Variants in FZD3 observed in about 807,000 individuals in gnomAD.
FZD3 encodes frizzled-3.
FZD3 carries 30 observed loss-of-function variants against 60.7 expected under a neutral mutation model. The ratio of observed to expected loss-of-function variants is 0.49; its 90% CI spans 0.37 to 0.67. The LOEUF (loss-of-function observed/expected upper bound fraction) is 0.67, where lower values mean the gene tolerates loss of function less well. Among genes scored for constraint, FZD3 ranks in the 30% least tolerant of loss-of-function variants. The pLI is 0.00. For missense variants in FZD3, 605 were observed against 838.7 expected, an observed-to-expected ratio of 0.72 and a Z score of 3.44; for synonymous variants, 246 against 275.2, an observed-to-expected ratio of 0.89 and a Z score of 1.05.
At chr8:28,557,794 C>G (rs11782016) in intron 7 of FZD3, among the ~76,000 whole-genome samples, 80,774 of 151,962 alleles carry the variant, frequency 0.53, 22,003 homozygotes, top group South Asian at 0.63. Flanking sequence ...CCACTTAGCA[C>G]TCCTATATGA....
intron 5 of FZD3, among the ~76,000 whole-genome samples, chr8:28,539,301 T>C (rs1221342254): frequency 1.3e-5 from 2 of 152,220 alleles, no homozygotes; most frequent in Non-Finnish European, 2.9e-5. Context: ...CTAGGTTGCA[T>C]GCACCATTTA....
chr8:28,528,786 T>C (rs536277744), intron 5 of FZD3, among the ~76,000 whole-genome samples: 67 of 152,316 alleles, frequency 4.4e-4, no homozygotes, highest in Non-Finnish European at 7.1e-4. Context: ...TGACTTGTTC[T>C]TGAGTAGTAA....
intron 1 of FZD3, among the ~76,000 whole-genome samples, chr8:28,496,456 T>C (rs543572780): frequency 5.9e-5 from 9 of 152,298 alleles, no homozygotes; most frequent in African/African-American, 1.9e-4. Context: ...TTTTTTTTGT[T>C]TTCCTATCCC....
chr8:28,502,764 C>T lies in FZD3; in HGVS notation c.-250C>T. 1 of 278,008 alleles carries T rather than the reference C, an allele frequency of 3.6e-6. No individual in the cohort carries two copies. Among genetic ancestry groups the T allele is most frequent in the South Asian group, 1.5e-4 (1 of 6,462 alleles). The allele number at this position is 278,008 out of a possible 1,614,324, so 17.2% of individuals were successfully genotyped here. On this transcript the variant is annotated 5_prime_UTR_variant, in exon 3 of 8. Transcript: ENST00000240093. ...CAACTTGATATGTTGGCCAAATGTG[C>T]CCCATGTAATAAAATGAAAAGAAGA...
At chr8:28,538,935 A>G (rs1005142228) in intron 5 of FZD3, among the ~76,000 whole-genome samples, 4 of 151,730 alleles carry the variant, frequency 2.6e-5, no homozygotes, top group African/African-American at 9.7e-5. Context: ...CCTCTGCCCT[A>G]CAGTTCATAG....
chr8:28,498,286 T>C (rs1244332554), intron 1 of FZD3, among the ~76,000 whole-genome samples: 5 of 150,092 alleles, frequency 3.3e-5, no homozygotes, highest in African/African-American at 7.4e-5. Context: ...GTCCCCCCCC[T>C]TTTTTTTTCC....
Position 28,570,666 on chromosome 8 carries a change from G to A in FZD3, c.*7655G>A, listed in dbSNP as rs1414193459. ...AAAAAAAAAAGTAGAGATTGCATTA[G>A]TTCCATATCTCCGCAGAGTTCTCTG... On this transcript the variant is annotated 3_prime_UTR_variant, in exon 8 of 8. Coordinates refer to ENST00000240093, the MANE Select transcript of FZD3 (RefSeq NM_017412.4). The A allele has an allele frequency of 6.6e-6, 1 of 151,272 alleles. No individual in the cohort carries two copies. The highest frequency in any genetic ancestry group is 1.5e-5 in the Non-Finnish European group (1 of 68,002). 9.4% of individuals were successfully genotyped at this position (151,272 alleles called of 1,614,324 possible).
intron 5 of FZD3, among the ~76,000 whole-genome samples, chr8:28,529,154 A>T (rs541152338): frequency 6.6e-6 from 1 of 152,042 alleles, no homozygotes; most frequent in African/African-American, 2.4e-5. Flanking sequence ...CCTGCCCTCA[A>T]GTGATCTTCC....
At chr8:28,556,115 G>A in intron 7 of FZD3, 144 bp downstream of exon 7, 3 of 630,534 alleles carry the variant, frequency 4.8e-6, no homozygotes, top group Non-Finnish European at 8.4e-6. Context: ...CCAGACTATG[G>A]TCAGACTTAA....
chr8:28,541,718 T>C (rs893054014), intron 5 of FZD3, among the ~76,000 whole-genome samples: 3 of 152,236 alleles, frequency 2.0e-5, no homozygotes, highest in Non-Finnish European at 2.9e-5. Flanking sequence ...TCAAACTTAG[T>C]ATGTCTAAAA....
chr8:28,514,637 G>C (rs11781193), intron 3 of FZD3, among the ~76,000 whole-genome samples: 2 of 151,952 alleles, frequency 1.3e-5, no homozygotes, highest in Non-Finnish European at 2.9e-5. Context: ...GAATCATGCC[G>C]TATCTACTTC....
At chr8:28,557,244 G>T in intron 7 of FZD3, among the ~76,000 whole-genome samples, 1 of 150,248 alleles carries the variant, frequency 6.7e-6, no homozygotes, top group East Asian at 1.9e-4. Flanking sequence ...AAATGATAGA[G>T]ATTGGTAAGA....
chr8:28,526,906 T>C (rs1461757892), intron 4 of FZD3, among the ~76,000 whole-genome samples: 1 of 152,220 alleles, frequency 6.6e-6, no homozygotes, highest in African/African-American at 2.4e-5. Flanking sequence ...AACCTTGTTT[T>C]CTTTGTCTCG....
intron 3 of FZD3, among the ~76,000 whole-genome samples, chr8:28,515,161 G>GT (rs1169257278): frequency 7.9e-5 from 12 of 152,204 alleles, no homozygotes; most frequent in Admixed American, 2.6e-4. Context: ...GATAATATGT[G>GT]TAAGGCATTT....
At chr8:28,526,559 C>G (rs999068828) in intron 4 of FZD3, among the ~76,000 whole-genome samples, 1 of 152,100 alleles carries the variant, frequency 6.6e-6, no homozygotes, top group Non-Finnish European at 1.5e-5. Flanking sequence ...GGATAGAGAT[C>G]TGTATTTTTA....
intron 3 of FZD3, among the ~76,000 whole-genome samples, chr8:28,512,932 A>G (rs1804327322): frequency 6.6e-6 from 1 of 152,160 alleles, no homozygotes; most frequent in African/African-American, 2.4e-5. Flanking sequence ...TTCTTTTACT[A>G]CATTTATAGA....
chr8:28,544,424 C>T (rs1376905188), intron 5 of FZD3, among the ~76,000 whole-genome samples: 1 of 151,916 alleles, frequency 6.6e-6, no homozygotes, highest in East Asian at 1.9e-4. Flanking sequence ...ATATAGCTTA[C>T]TTTACATATT....
Position 28,503,170 on chromosome 8 carries a change from T to C in FZD3, c.157T>C (p.Tyr53His), listed in dbSNP as rs1445722307. ...CTTCATGCCTAATCTTCTGAATCAT[T>C]ATGACCAACAGACAGCAGCTTTGGC... ...TTFMPNLLNH[Y>H]DQQTAALAME... is the part of the protein sequence containing the mutation. Residue 53 changes from tyrosine to histidine, a missense_variant, in exon 3 of 8, where the codon TAT becomes CAT. Tyr to His is a moderately conservative substitution (Grantham distance 83). Transcript: ENST00000240093. The C allele has an allele frequency of 6.2e-7, 1 of 1,613,368 alleles. No homozygotes were observed. The highest frequency in any genetic ancestry group is 8.5e-7 in the Non-Finnish European group (1 of 1,179,314).
intron 4 of FZD3, 148 bp downstream of exon 4, chr8:28,520,982 G>A (rs1479537235): frequency 1.4e-5 from 6 of 421,160 alleles, no homozygotes; most frequent in Non-Finnish European, 2.5e-5. Context: ...CCTCACAATT[G>A]TTTATTTGCT....
Sources: allele counts gnomAD v4.1 joint callset (sites outside exome capture counted in the v4.1 genomes callset), GRCh38; gene constraint gnomAD v4.1.1; transcripts MANE v1.5; gene names NCBI Gene and HGNC (gene_info 2026-07-23, HGNC 2026-07-21).